RBFOX1: variants seen among roughly 807,000 people sequenced by gnomAD.
The protein encoded by RBFOX1 is RNA binding protein fox-1 homolog 1.
Under a neutral mutation model 57.7 loss-of-function variants are expected in RBFOX1, and 8 were observed. The ratio of observed to expected loss-of-function variants is 0.14; its 90% CI spans 0.08 to 0.25. RBFOX1 has a LOEUF of 0.25. Among genes scored for constraint, RBFOX1 ranks in the 10% least tolerant of loss-of-function variants. The pLI, the probability that RBFOX1 is intolerant of heterozygous loss-of-function variation, is 1.00. For missense variants in RBFOX1, 611 were observed against 548.5 expected (o/e 1.11, Z -1.14); for synonymous variants, 326 against 222.4 (o/e 1.47, Z -4.15).
intron 1 of RBFOX1, among the ~76,000 whole-genome samples, chr16:6,062,727 A>T (rs190204548): frequency 1.4e-3 from 216 of 151,900 alleles, no homozygotes; most frequent in African/African-American, 4.9e-3. Context: ...TTATATCACT[A>T]TCTCAAGACA....
chr16:5,979,169 G>C (rs182720184), intron 4 of RBFOX1, among the ~76,000 whole-genome samples: 2 of 152,284 alleles, frequency 1.3e-5, no homozygotes, highest in Admixed American at 1.3e-4. Flanking sequence ...ACCTGTCTGA[G>C]GTGAGCTCCA....
chr16:7,149,568 C>T (rs192843963), intron 4 of RBFOX1, among the ~76,000 whole-genome samples: 1 of 150,462 alleles, frequency 6.6e-6, no homozygotes, highest in East Asian at 2.0e-4. Flanking sequence ...TCAGTGCAAC[C>T]TCCTCCTCCC....
chr16:6,697,977 A>T (rs2061304367), intron 3 of RBFOX1, among the ~76,000 whole-genome samples: 1 of 152,182 alleles, frequency 6.6e-6, no homozygotes, highest in South Asian at 2.1e-4. Context: ...GGTCTATGGT[A>T]TGTACTTATG....
intron 4 of RBFOX1, among the ~76,000 whole-genome samples, chr16:5,908,002 C>T (rs150285371): frequency 9.0e-4 from 136 of 151,522 alleles, no homozygotes; most frequent in African/African-American, 3.0e-3. Context: ...CCACCCTCTT[C>T]GGCCTCTGCA....
intron 1 of RBFOX1, among the ~76,000 whole-genome samples, chr16:5,456,624 C>G (rs908243031): frequency 1.3e-5 from 2 of 152,212 alleles, no homozygotes; most frequent in East Asian, 1.9e-4. Flanking sequence ...GTCACCAAGA[C>G]CTGTCAAGTC....
chr16:5,297,726 A>G (rs1210349357), intron 1 of RBFOX1, among the ~76,000 whole-genome samples: 3 of 152,322 alleles, frequency 2.0e-5, no homozygotes, highest in East Asian at 1.9e-4. Context: ...ACTTGAGGCC[A>G]GTGTTTCTCA....
intron 3 of RBFOX1, among the ~76,000 whole-genome samples, chr16:6,824,982 G>GTTT (rs2091912007): frequency 5.2e-5 from 2 of 38,384 alleles, no homozygotes; most frequent in Non-Finnish European, 1.3e-4. Context: ...TTTCTTTCTT[G>GTTT]GTTTTTTTTT....
At chr16:6,889,440 G>T (rs896305878) in intron 3 of RBFOX1, among the ~76,000 whole-genome samples, 1 of 152,206 alleles carries the variant, frequency 6.6e-6, no homozygotes, top group Non-Finnish European at 1.5e-5. Context: ...AAAGGAGAAC[G>T]TGGAACAGAT....
At chr16:6,230,144 G>A (rs1480838944) in intron 1 of RBFOX1, among the ~76,000 whole-genome samples, 1 of 152,070 alleles carries the variant, frequency 6.6e-6, no homozygotes, top group Non-Finnish European at 1.5e-5. Context: ...AGAGCAAATA[G>A]CTTTTCCCTT....
intron 3 of RBFOX1, among the ~76,000 whole-genome samples, chr16:6,817,501 C>G (rs935089339): frequency 2.0e-5 from 3 of 149,156 alleles, no homozygotes; most frequent in Admixed American, 1.3e-4. Context: ...CGAGACCAGC[C>G]TGGCCAGCAT....
chr16:7,298,220 G>A (rs180792643), intron 4 of RBFOX1, among the ~76,000 whole-genome samples: 92 of 149,980 alleles, frequency 6.1e-4, no homozygotes, highest in Non-Finnish European at 1.2e-3. Context: ...TGACCCTTCA[G>A]CAACATGGGG....
chr16:5,913,865 A>G (rs1200612691), intron 4 of RBFOX1, among the ~76,000 whole-genome samples: 2 of 152,236 alleles, frequency 1.3e-5, no homozygotes, highest in Non-Finnish European at 2.9e-5. Flanking sequence ...CATGCTGAGC[A>G]CTTTGGATAT....
chr16:7,320,241 C>A (rs977170305), intron 4 of RBFOX1, among the ~76,000 whole-genome samples: 1 of 152,038 alleles, frequency 6.6e-6, no homozygotes, highest in Non-Finnish European at 1.5e-5. Context: ...CCCACCACCC[C>A]CTACAGGCCC....
At chr16:6,407,258 C>A (rs1426105820) in intron 2 of RBFOX1, among the ~76,000 whole-genome samples, 6 of 151,998 alleles carry the variant, frequency 3.9e-5, no homozygotes, top group Non-Finnish European at 8.8e-5. Flanking sequence ...TATATATATG[C>A]TATGGATTTG....
intron 1 of RBFOX1, among the ~76,000 whole-genome samples, chr16:5,375,619 A>G (rs774811767): frequency 1.8e-4 from 28 of 152,194 alleles, no homozygotes; most frequent in Admixed American, 5.9e-4. Flanking sequence ...TGGCGTGGAC[A>G]CTAACACTAA....
In RBFOX1 at chr16:7,612,648, G is replaced by A. The variant is rs187945302; in HGVS notation, c.676+5310G>A. On this transcript the variant is annotated intron_variant, in intron 10 of 15. Coordinates refer to ENST00000550418, the MANE Select transcript of RBFOX1 (RefSeq NM_018723.4). ...ATATTTTTAAAAGCAGTATCTTCTAGAGATAATCACGATATCCAGCCAATG... is the reference window on the plus strand; with the variant it reads ...ATATTTTTAAAAGCAGTATCTTCTAAAGATAATCACGATATCCAGCCAATG... Among the ~76,000 whole-genome samples the A allele has an allele frequency of 2.7e-3, 414 of 152,010 alleles. 1 individual carries two copies. Among genetic ancestry groups the A allele is most frequent in the African/African-American group, 9.5e-3 (395 of 41,518 alleles).
intron 3 of RBFOX1, among the ~76,000 whole-genome samples, chr16:5,751,805 G>GT (rs1323649510): frequency 6.6e-6 from 1 of 152,144 alleles, no homozygotes; most frequent in Non-Finnish European, 1.5e-5. Flanking sequence ...CATTTTAATG[G>GT]TTTTTTATTC....
chr16:6,887,727 A>G (rs973327499), intron 3 of RBFOX1, among the ~76,000 whole-genome samples: 1 of 151,498 alleles, frequency 6.6e-6, no homozygotes, highest in Non-Finnish European at 1.5e-5. Flanking sequence ...CCCTGGTGCA[A>G]TCTTGGCTTA....
chr16:6,821,578 CCACTGGTCGGTCTGTCACAATGGATGTGT>C (rs2091310981), intron 3 of RBFOX1, among the ~76,000 whole-genome samples: 1 of 152,178 alleles, frequency 6.6e-6, no homozygotes, highest in Non-Finnish European at 1.5e-5. Context: ...CCGCTGGTAA[CCACTGGTCGGTCTGTCACAATGGATGTGT>C]CCGTTTATGA....
Sources: gnomAD v4.1 joint callset for allele counts (sites outside exome capture counted in the v4.1 genomes callset) on GRCh38, gnomAD v4.1.1 for gene constraint, MANE v1.5 for transcripts, NCBI Gene and HGNC (gene_info 2026-07-23, HGNC 2026-07-21) for gene names.